Variants in KIAA1549 observed in about 807,000 individuals in gnomAD.
KIAA1549 encodes the protein UPF0606 protein KIAA1549.
KIAA1549 carries 70 observed loss-of-function variants against 156.4 expected under a neutral mutation model. The observed-to-expected ratio is 0.45, with a 90% CI of 0.37 to 0.55. KIAA1549 has a LOEUF of 0.55. KIAA1549 is among the 20% of genes least tolerant of loss of function. The pLI, the probability that KIAA1549 is intolerant of heterozygous loss-of-function variation, is 0.00. For missense variants in KIAA1549, 2,428 were observed against 2,540.9 expected, an observed-to-expected ratio of 0.96 and a Z score of 0.96; for synonymous variants, 1,103 against 1,066.4, an observed-to-expected ratio of 1.03 and a Z score of -0.67.
At chr7:138,980,974 G>T (rs912656394) in intron 1 of KIAA1549, 109 bp downstream of exon 1, 17 of 992,676 alleles carry the variant, frequency 1.7e-5, no homozygotes, top group Non-Finnish European at 2.1e-5. Context: ...GACGGCGAGG[G>T]AGCTGGAGAA....
intron 1 of KIAA1549, among the ~76,000 whole-genome samples, chr7:138,973,632 T>A (rs193118822): frequency 9.9e-5 from 15 of 152,250 alleles, no homozygotes; most frequent in Admixed American, 8.5e-4. Context: ...TCAACTACCA[T>A]CAAGTACAAC....
At chr7:138,862,941 G>GA (rs917748758) in intron 15 of KIAA1549, among the ~76,000 whole-genome samples, 19 of 149,354 alleles carry the variant, frequency 1.3e-4, no homozygotes, top group African/African-American at 3.9e-4. Flanking sequence ...AAAAGAAAAA[G>GA]AAAAAAAAAC....
Position 138,899,184 on chromosome 7 carries a change from C to T in KIAA1549, c.3670-52G>A. The T allele has an allele frequency of 2.6e-6, 4 of 1,537,446 alleles. No individual in the cohort carries two copies. The South Asian group carries it at 4.5e-5, about 17-fold the overall frequency. Reference sequence around the variant, plus strand: ...TTGCAGAAGCTCATGTTTCTAGATGCCCTCTCTCAGGTTGCTGAATCCTGG... The same window carrying T: ...TTGCAGAAGCTCATGTTTCTAGATGTCCTCTCTCAGGTTGCTGAATCCTGG... On this transcript the variant is annotated intron_variant, in intron 8 of 19. Transcript: ENST00000422774.
At chr7:138,867,680 T>C (rs1810789230) in intron 15 of KIAA1549, among the ~76,000 whole-genome samples, 1 of 152,242 alleles carries the variant, frequency 6.6e-6, no homozygotes, top group Non-Finnish European at 1.5e-5. Flanking sequence ...AAAGTCCCAC[T>C]GTGAAGTCTG....
chr7:138,878,337 T>C (rs1811145331), intron 12 of KIAA1549, among the ~76,000 whole-genome samples: 1 of 152,234 alleles, frequency 6.6e-6, no homozygotes. Flanking sequence ...GCCACAAGCG[T>C]GTCAGTGAGA....
intron 10 of KIAA1549, among the ~76,000 whole-genome samples, chr7:138,886,525 C>T (rs1205024594): frequency 6.6e-6 from 1 of 152,196 alleles, no homozygotes; most frequent in Non-Finnish European, 1.5e-5. Flanking sequence ...AATCCTCCTG[C>T]CTCAGCTTCC....
intron 16 of KIAA1549, among the ~76,000 whole-genome samples, chr7:138,859,053 G>A (rs943782208): frequency 1.2e-3 from 123 of 99,030 alleles, no homozygotes; most frequent in Middle Eastern, 0.011. Flanking sequence ...ACACACACAC[G>A]AACAGAAACT....
At chr7:138,838,304 G>A in intron 19 of KIAA1549, 144 bp from the exon 20 acceptor site, 2 of 828,784 alleles carry the variant, frequency 2.4e-6, no homozygotes, top group Non-Finnish European at 3.6e-6. Context: ...TGCCTATGCT[G>A]CAGGTGAGGC....
At position 138,909,830 on chromosome 7, in the gene KIAA1549, C is replaced by T. The variant is rs562619014; in HGVS notation, c.3146-709G>A. Reference sequence around the variant, plus strand: ...GACATGGTGGTGGGTGCTTGTAATCCCAGCCACTCAGGAGGCTCAGGCAAG... The same window carrying T: ...GACATGGTGGTGGGTGCTTGTAATCTCAGCCACTCAGGAGGCTCAGGCAAG... On this transcript the variant is annotated intron_variant, in intron 4 of 19. Transcript: ENST00000422774. Among the ~76,000 whole-genome samples the T allele has an allele frequency of 2.0e-5, 3 of 151,952 alleles. No homozygotes were observed. The East Asian group carries it at 5.8e-4, about 29-fold the overall frequency.
chr7:138,891,639 G>A (rs1208067647), intron 10 of KIAA1549, among the ~76,000 whole-genome samples: 3 of 152,192 alleles, frequency 2.0e-5, no homozygotes, highest in Non-Finnish European at 2.9e-5. Flanking sequence ...CGAGGGGAAG[G>A]GGGGTGCAGA....
Position 138,972,814 on chromosome 7 carries a change from CTTTTGTTTTG to C in KIAA1549, c.187+8259_187+8268del, listed in dbSNP as rs139299200. ...TACTTCCTTAAATTGTCAACCACTG[CTTTTGTTTTG>C]TTTTGTTTTGTTTTTGAGATAGAGT... On this transcript the variant is annotated intron_variant, in intron 1 of 19. Coordinates refer to ENST00000422774, the MANE Select transcript of KIAA1549 (RefSeq NM_001164665.2). Among the ~76,000 whole-genome samples, 1,247 of 152,112 alleles carry C rather than the reference CTTTTGTTTTG, an allele frequency of 8.2e-3. 26 individuals are homozygous for C. The highest frequency in any genetic ancestry group is 0.029 in the African/African-American group (1,194 of 41,500).
At position 138,858,514 on chromosome 7, in the gene KIAA1549, A is replaced by G. The variant is rs140258091; in HGVS notation, c.5247+2625T>C. 7.2e-4 allele frequency among the ~76,000 whole-genome samples: 109 copies of G among 152,020 alleles called. 1 individual carries two copies. In the East Asian group the frequency reaches 0.019, roughly 27 times the overall value. ...GAATGCTGCATATTTTTGTGTTTCT[A>G]TATTCTTGAGCTTTGCTTGGGTTTA... On this transcript the variant is annotated intron_variant, in intron 16 of 19. Coordinates refer to ENST00000422774, the MANE Select transcript of KIAA1549 (RefSeq NM_001164665.2).
intron 10 of KIAA1549, among the ~76,000 whole-genome samples, chr7:138,884,717 G>A (rs1018300173): frequency 9.8e-5 from 15 of 152,300 alleles, no homozygotes; most frequent in African/African-American, 3.6e-4. Flanking sequence ...CTTAACTTAA[G>A]CATTCCTTTG....
intron 17 of KIAA1549, among the ~76,000 whole-genome samples, chr7:138,845,947 A>C (rs1438502804): frequency 2.0e-5 from 3 of 152,214 alleles, no homozygotes; most frequent in African/African-American, 7.2e-5. Context: ...TAAAAAGCAC[A>C]AAAGCAGTTG....
intron 4 of KIAA1549, among the ~76,000 whole-genome samples, chr7:138,910,172 G>C (rs1021918993): frequency 1.3e-5 from 2 of 152,118 alleles, no homozygotes; most frequent in Non-Finnish European, 2.9e-5. Flanking sequence ...TGAGTACACA[G>C]TGGTCTGTTA....
At chr7:138,867,514 C>T (rs887676256) in intron 15 of KIAA1549, among the ~76,000 whole-genome samples, 5 of 151,334 alleles carry the variant, frequency 3.3e-5, no homozygotes, top group African/African-American at 1.2e-4. Context: ...TGGATCACAC[C>T]ACTGCACTCC....
At chr7:138,888,400 T>A (rs1229035430) in intron 10 of KIAA1549, among the ~76,000 whole-genome samples, 1 of 152,222 alleles carries the variant, frequency 6.6e-6, no homozygotes, top group Non-Finnish European at 1.5e-5. Context: ...ATACTGCACA[T>A]CTGTGTCCAG....
At chr7:138,971,533 C>T (rs905546585) in intron 1 of KIAA1549, among the ~76,000 whole-genome samples, 1 of 152,134 alleles carries the variant, frequency 6.6e-6, no homozygotes, top group African/African-American at 2.4e-5. Context: ...ATGGCCTCCA[C>T]CTTACCACTC....
chr7:138,916,168 AG>A (rs1455990376), intron 2 of KIAA1549, among the ~76,000 whole-genome samples: 1 of 152,256 alleles, frequency 6.6e-6, no homozygotes. Context: ...GGGCATTTAC[AG>A]GGACCTATGA....
Sources: allele counts gnomAD v4.1 joint callset (sites outside exome capture counted in the v4.1 genomes callset), GRCh38; gene constraint gnomAD v4.1.1; transcripts MANE v1.5; gene names NCBI Gene and HGNC (gene_info 2026-07-23, HGNC 2026-07-21).